GPM6A: variants seen among roughly 807,000 people sequenced by gnomAD.
GPM6A encodes the protein neuronal membrane glycoprotein M6-a.
A neutral mutation model predicts 32.1 loss-of-function variants in GPM6A; 7 were observed. That is an observed-to-expected ratio of 0.22 (90% CI 0.12 to 0.41). GPM6A has a LOEUF of 0.41. GPM6A is among the 10% of genes least tolerant of loss of function. The pLI is 1.00. For missense variants in GPM6A, 235 were observed against 347.2 expected (o/e 0.68, Z 2.57); for synonymous variants, 130 against 123.4 (o/e 1.05, Z -0.35).
Position 175,745,781 on chromosome 4 carries a change from C to G in GPM6A, c.38-44014G>C, listed in dbSNP as rs78043431. Among the ~76,000 whole-genome samples, 314 of 152,204 alleles carry G rather than the reference C, an allele frequency of 2.1e-3. 1 individual carries two copies. The highest frequency in any genetic ancestry group is 4.3e-3 in the African/African-American group (177 of 41,536). On this transcript the variant is annotated intron_variant, in intron 1 of 6. Coordinates refer to ENST00000393658, the MANE Select transcript of GPM6A (RefSeq NM_201591.3). ...TCACCACTGATATTACCAAGGTGTA[C>G]GTTGCGAAGTAAGAAAAAATGTTAT... is the stretch of plus-strand genomic sequence containing the variant.
At chr4:175,907,767 T>C (rs915279962) in intron 1 of GPM6A, among the ~76,000 whole-genome samples, 1 of 152,298 alleles carries the variant, frequency 6.6e-6, no homozygotes, top group South Asian at 2.1e-4. Context: ...ATCCAATCTT[T>C]ATGACTATTT....
chr4:175,809,493 C>T (rs1734830467), intron 1 of GPM6A, among the ~76,000 whole-genome samples: 1 of 151,322 alleles, frequency 6.6e-6, no homozygotes, highest in Admixed American at 6.6e-5. Context: ...TCTTAAAATA[C>T]TAGATTCCCC....
intron 1 of GPM6A, among the ~76,000 whole-genome samples, chr4:175,970,070 C>T (rs1390951347): frequency 1.3e-5 from 2 of 152,172 alleles, no homozygotes; most frequent in African/African-American, 2.4e-5. Flanking sequence ...CCACTGTGTC[C>T]TTCCTTTCTC....
chr4:175,960,953 CA>C (rs1257975907), intron 1 of GPM6A, among the ~76,000 whole-genome samples: 2 of 152,102 alleles, frequency 1.3e-5, no homozygotes, highest in Non-Finnish European at 2.9e-5. Flanking sequence ...GAATTAGGGA[CA>C]AAAGCAAATA....
At chr4:175,843,735 A>G (rs544535368) in intron 1 of GPM6A, among the ~76,000 whole-genome samples, 1 of 152,298 alleles carries the variant, frequency 6.6e-6, no homozygotes, top group Admixed American at 6.5e-5. Context: ...TGAGGCCAAA[A>G]TTATGTAGCC....
At chr4:175,637,058 T>A (rs1740668326) in intron 6 of GPM6A, among the ~76,000 whole-genome samples, 1 of 108,342 alleles carries the variant, frequency 9.2e-6, no homozygotes, top group Non-Finnish European at 1.8e-5. Context: ...ATATATAAAA[T>A]ATTTGTAATA....
intron 1 of GPM6A, among the ~76,000 whole-genome samples, chr4:175,924,644 A>G (rs1159897920): frequency 6.6e-6 from 1 of 152,136 alleles, no homozygotes; most frequent in African/African-American, 2.4e-5. Flanking sequence ...GTTCGAGACC[A>G]GCCTGGCCAA....
At chr4:175,943,143 A>G (rs1174217767) in intron 1 of GPM6A, among the ~76,000 whole-genome samples, 1 of 152,100 alleles carries the variant, frequency 6.6e-6, no homozygotes, top group Non-Finnish European at 1.5e-5. Flanking sequence ...CTTTGTAGCA[A>G]TTGTGAATGG....
intron 1 of GPM6A, among the ~76,000 whole-genome samples, chr4:175,820,026 G>A (rs1428868702): frequency 2.0e-5 from 3 of 152,144 alleles, no homozygotes; most frequent in Non-Finnish European, 2.9e-5. Flanking sequence ...AGTAGAGAAC[G>A]TTCTTTAAGA....
chr4:175,670,694 G>A (rs1743007278), intron 3 of GPM6A, among the ~76,000 whole-genome samples: 1 of 151,940 alleles, frequency 6.6e-6, no homozygotes, highest in Admixed American at 6.6e-5. Flanking sequence ...CTCAAATTCT[G>A]GATTTTGAAT....
intron 3 of GPM6A, among the ~76,000 whole-genome samples, chr4:175,663,416 A>G (rs1460240988): frequency 1.3e-5 from 2 of 152,218 alleles, no homozygotes; most frequent in African/African-American, 4.8e-5. Context: ...GTCAAAGCAC[A>G]CAAGGTTTCA....
At chr4:175,924,217 T>C (rs1388053125) in intron 1 of GPM6A, among the ~76,000 whole-genome samples, 1 of 152,184 alleles carries the variant, frequency 6.6e-6, no homozygotes, top group Non-Finnish European at 1.5e-5. Flanking sequence ...CCTGTCTTTA[T>C]TGCTGACGTT....
At chr4:175,864,064 T>G (rs894027133) in intron 1 of GPM6A, among the ~76,000 whole-genome samples, 3 of 152,190 alleles carry the variant, frequency 2.0e-5, no homozygotes, top group Non-Finnish European at 4.4e-5. Flanking sequence ...GTGCTGAGAC[T>G]TTTTAAATGT....
chr4:175,887,313 C>G, intron 1 of GPM6A, among the ~76,000 whole-genome samples: 1 of 151,920 alleles, frequency 6.6e-6, no homozygotes, highest in Non-Finnish European at 1.5e-5. Flanking sequence ...TTAAAAACTT[C>G]TAAATCACGT....
chr4:175,820,365 G>A (rs754888771), intron 1 of GPM6A, among the ~76,000 whole-genome samples: 2 of 151,966 alleles, frequency 1.3e-5, no homozygotes, highest in African/African-American at 2.4e-5. Context: ...ACTCAGGACT[G>A]GAGAGTTTTT....
chr4:175,947,326 A>C (rs2126363158), intron 1 of GPM6A, among the ~76,000 whole-genome samples: 1 of 152,236 alleles, frequency 6.6e-6, no homozygotes, highest in African/African-American at 2.4e-5. Context: ...CTAGAGGGAA[A>C]ACTTCGACTG....
intron 1 of GPM6A, among the ~76,000 whole-genome samples, chr4:175,848,721 G>T (rs1736163002): frequency 6.6e-6 from 1 of 152,028 alleles, no homozygotes; most frequent in Non-Finnish European, 1.5e-5. Context: ...GAAATTTCAA[G>T]AGATAATGTA....
At chr4:175,997,463 G>GTT (rs11394327) in intron 1 of GPM6A, among the ~76,000 whole-genome samples, 11 of 149,710 alleles carry the variant, frequency 7.3e-5, no homozygotes, top group South Asian at 6.3e-4. Context: ...TTCTTTACAT[G>GTT]TTTTTTTTTT....
chr4:175,884,554 T>C (rs1737388387), intron 1 of GPM6A, among the ~76,000 whole-genome samples: 1 of 152,180 alleles, frequency 6.6e-6, no homozygotes, highest in Non-Finnish European at 1.5e-5. Flanking sequence ...ATTATTGATA[T>C]GGAGTCTCGC....
Sources: gnomAD v4.1 joint callset for allele counts (sites outside exome capture counted in the v4.1 genomes callset) on GRCh38, gnomAD v4.1.1 for gene constraint, MANE v1.5 for transcripts, NCBI Gene and HGNC (gene_info 2026-07-23, HGNC 2026-07-21) for gene names.